Variants in MARCHF1 observed in about 807,000 individuals in gnomAD.
MARCHF1 encodes the protein membrane associated ring-CH-type finger 1.
A neutral mutation model predicts 54.2 loss-of-function variants in MARCHF1; 40 were observed. That is an observed-to-expected ratio of 0.74 (90% CI 0.57 to 0.96). The LOEUF is 0.96. MARCHF1 is among the 40% of genes least tolerant of loss of function. The pLI, the probability that MARCHF1 is intolerant of heterozygous loss-of-function variation, is 0.00. For synonymous variants in MARCHF1, 236 were observed against 236.3 expected, an observed-to-expected ratio of 1.00 and a Z score of 0.01; for missense variants, 586 against 656.5, an observed-to-expected ratio of 0.89 and a Z score of 1.17.
At chr4:164,339,290 T>C (rs907607554) in intron 1 of MARCHF1, among the ~76,000 whole-genome samples, 2 of 152,114 alleles carry the variant, frequency 1.3e-5, no homozygotes, top group African/African-American at 2.4e-5. Flanking sequence ...TTCAAGCACA[T>C]GCTAAACATT....
intron 2 of MARCHF1, among the ~76,000 whole-genome samples, chr4:163,989,496 G>A (rs1364703424): frequency 1.3e-5 from 2 of 152,026 alleles, no homozygotes; most frequent in African/African-American, 2.4e-5. Flanking sequence ...TGTGCTCCCC[G>A]AAATATATGT....
At chr4:164,111,461 A>G (rs907940358) in intron 2 of MARCHF1, 127 bp downstream of exon 2, 1 of 151,842 alleles carries the variant, frequency 6.6e-6, no homozygotes, top group Non-Finnish European at 1.5e-5. Context: ...AAAGTTTGAA[A>G]AAAATAAAAT....
intron 3 of MARCHF1, among the ~76,000 whole-genome samples, chr4:163,920,612 C>A (rs182633479): frequency 2.2e-4 from 33 of 152,250 alleles, no homozygotes; most frequent in African/African-American, 7.9e-4. Context: ...AGGGAGAACT[C>A]CTGTGCGCTA....
chr4:164,288,403 C>T (rs1734203703), intron 1 of MARCHF1, among the ~76,000 whole-genome samples: 1 of 151,872 alleles, frequency 6.6e-6, no homozygotes, highest in African/African-American at 2.4e-5. Context: ...TGGGGCTATT[C>T]GTGATAGACA....
chr4:164,218,199 CA>C (rs1031824759), intron 1 of MARCHF1, among the ~76,000 whole-genome samples: 2 of 152,010 alleles, frequency 1.3e-5, no homozygotes, highest in African/African-American at 4.8e-5. Flanking sequence ...AGAGAAGTAT[CA>C]GGAGGTAATG....
rs556798615 is a variant in MARCHF1 at position 163,817,129 on chromosome 4, C to T, written c.111+36892G>A. ...ATCACATGCCAGGGTATTTTGGAAA[C>T]GCCCATAAGATGAAAAACAATGCTA... is the stretch of plus-strand genomic sequence containing the variant. On this transcript the variant is annotated intron_variant, in intron 4 of 9. Coordinates refer to ENST00000514618, the MANE Select transcript of MARCHF1 (RefSeq NM_001394959.1). Among the ~76,000 whole-genome samples, 19 of 152,060 alleles carry T rather than the reference C, an allele frequency of 1.2e-4. No homozygotes were observed. The South Asian group carries it at 2.9e-3, about 23-fold the overall frequency.
intron 1 of MARCHF1, among the ~76,000 whole-genome samples, chr4:164,321,503 C>T (rs1229136073): frequency 6.6e-6 from 1 of 151,692 alleles, no homozygotes; most frequent in Non-Finnish European, 1.5e-5. Flanking sequence ...AAAACTATTC[C>T]ATATACAGAG....
At chr4:164,205,775 G>T (rs1372767975) in intron 1 of MARCHF1, among the ~76,000 whole-genome samples, 1 of 151,796 alleles carries the variant, frequency 6.6e-6, no homozygotes, top group East Asian at 1.9e-4. Flanking sequence ...ATTTAACCTA[G>T]AGTACTATAT....
chr4:164,000,239 A>G (rs1753160266), intron 2 of MARCHF1, among the ~76,000 whole-genome samples: 1 of 151,838 alleles, frequency 6.6e-6, no homozygotes, highest in South Asian at 2.1e-4. Flanking sequence ...AATATAAAAC[A>G]TTAACTTTAA....
intron 8 of MARCHF1, chr4:163,584,989 A>C (rs1234384699): frequency 1.3e-5 from 2 of 152,238 alleles, no homozygotes; most frequent in African/African-American, 2.4e-5. Context: ...TCCAGCTATC[A>C]AACATGAATT....
chr4:164,357,556 TAGG>T (rs1413140728), intron 1 of MARCHF1, among the ~76,000 whole-genome samples: 1 of 152,134 alleles, frequency 6.6e-6, no homozygotes, highest in East Asian at 1.9e-4. Flanking sequence ...GGTTTTGAAT[TAGG>T]AGGGTGTAAT....
At chr4:164,140,129 T>A (rs1311090930) in intron 1 of MARCHF1, among the ~76,000 whole-genome samples, 1 of 151,482 alleles carries the variant, frequency 6.6e-6, no homozygotes. Context: ...AGGTAAAACA[T>A]ACCCTTAGAT....
At chr4:163,788,523 T>A (rs1747681850) in intron 4 of MARCHF1, among the ~76,000 whole-genome samples, 1 of 152,010 alleles carries the variant, frequency 6.6e-6, no homozygotes. Flanking sequence ...ATTTCCCTGG[T>A]TTTCATGACC....
At chr4:163,575,670 T>C (rs1052371461) in intron 8 of MARCHF1, among the ~76,000 whole-genome samples, 1 of 151,998 alleles carries the variant, frequency 6.6e-6, no homozygotes, top group Non-Finnish European at 1.5e-5. Flanking sequence ...TGTAAATCCA[T>C]CTGGTTTGGG....
chr4:163,820,072 A>AT (rs1350986447), intron 4 of MARCHF1, among the ~76,000 whole-genome samples: 3 of 151,924 alleles, frequency 2.0e-5, no homozygotes, highest in Non-Finnish European at 4.4e-5. Flanking sequence ...CCATAGCCCA[A>AT]TTTTTTTAAA....
chr4:163,732,689 A>G (rs1745879155), intron 4 of MARCHF1, among the ~76,000 whole-genome samples: 1 of 152,164 alleles, frequency 6.6e-6, no homozygotes, highest in South Asian at 2.1e-4. Flanking sequence ...GAAACAATGC[A>G]AGCTAGAAAA....
At chr4:163,599,168 A>G (rs980815556) in intron 7 of MARCHF1, among the ~76,000 whole-genome samples, 2 of 152,082 alleles carry the variant, frequency 1.3e-5, no homozygotes, top group African/African-American at 4.8e-5. Flanking sequence ...GGGCGCCTGT[A>G]ATCCCAGCTA....
At chr4:163,916,909 A>C (rs558953893) in intron 3 of MARCHF1, among the ~76,000 whole-genome samples, 10 of 152,064 alleles carry the variant, frequency 6.6e-5, no homozygotes, top group Non-Finnish European at 1.0e-4. Flanking sequence ...TGTGTCCTCT[A>C]TGGGTTTTGA....
chr4:163,536,444 A>G (rs1231631536), intron 9 of MARCHF1, among the ~76,000 whole-genome samples: 1 of 152,114 alleles, frequency 6.6e-6, no homozygotes, highest in Non-Finnish European at 1.5e-5. Flanking sequence ...CCAGCTGGAA[A>G]TAAGTTTTCC....
Sources: gnomAD v4.1 joint callset for allele counts (sites outside exome capture counted in the v4.1 genomes callset) on GRCh38, gnomAD v4.1.1 for gene constraint, MANE v1.5 for transcripts, NCBI Gene and HGNC (gene_info 2026-07-23, HGNC 2026-07-21) for gene names.